The following RYR1 variants were observed in gnomAD, a reference collection of about 807,000 sequenced individuals.
RYR1 encodes the protein central core disease of muscle.
RYR1 carries 342 observed loss-of-function variants against 583.5 expected under a neutral mutation model. The ratio of observed to expected loss-of-function variants is 0.59; its 90% CI spans 0.54 to 0.64. RYR1 has a LOEUF of 0.64. Among genes scored for constraint, RYR1 ranks in the 30% least tolerant of loss-of-function variants. The pLI, the probability that RYR1 is intolerant of heterozygous loss-of-function variation, is 0.00. For missense variants in RYR1, 6,032 were observed against 6,917.2 expected (o/e 0.87, Z 4.54); for synonymous variants, 2,791 against 2,822.5 (o/e 0.99, Z 0.35).
intron 63 of RYR1, 141 bp from the exon 64 acceptor site, chr19:38,514,885 C>T (rs1970886256): frequency 4.3e-6 from 3 of 692,948 alleles, no homozygotes; most frequent in Admixed American, 2.0e-5. Context: ...TTGCTCAAGT[C>T]ACAAGACTCG....
chr19:38,466,479 T>G, intron 24 of RYR1, 81 bp downstream of exon 24: 1 of 961,596 alleles, frequency 1.0e-6, no homozygotes, highest in Non-Finnish European at 1.6e-6. Context: ...CTGACCTGAC[T>G]CAGCCCCCAA....
rs1970070561 is a variant in RYR1, at chr19:38,500,701, A to G, written c.7419A>G (p.Pro2473=). ...ACCTTGTGGGCATCATCAGCCTCCCACTGCAGATTCCCACCCTGGGCAAAG... is the reference window on the plus strand; with the variant it reads ...ACCTTGTGGGCATCATCAGCCTCCCGCTGCAGATTCCCACCCTGGGCAAAG... ...LEDLVGIISL[P]LQIPTLGKDG... Residue 2473 remains proline, a synonymous_variant, in exon 46 of 106, where the codon CCA becomes CCG. Coordinates refer to ENST00000359596, the MANE Select transcript of RYR1 (RefSeq NM_000540.3). This position sits in a 1 kb window ranked among gnomAD's most constrained non-coding sequence, Gnocchi z 5.9. 4 of 1,614,012 alleles carry G rather than the reference A, an allele frequency of 2.5e-6. No homozygotes were observed. The highest frequency in any genetic ancestry group is 1.7e-5 in the Admixed American group (1 of 60,004).
In RYR1 at chr19:38,462,987, C is replaced by A. The variant is rs947817650; in HGVS notation, c.2578-436C>A. Among the ~76,000 whole-genome samples, 4 of 149,574 alleles carry A rather than the reference C, an allele frequency of 2.7e-5. No homozygotes were observed. In the Admixed American group the frequency reaches 2.7e-4, roughly 10 times the overall value. On this transcript the variant is annotated intron_variant, in intron 20 of 105. Transcript: ENST00000359596. ...TCTTGGCTCACTGCAACCTCTGCCT[C>A]CAGAGTTCAAGCAATTCTCCTGCCT...
At chr19:38,536,929 G>A (rs1207227581) in intron 83 of RYR1, 162 bp downstream of exon 83, 1 of 712,542 alleles carries the variant, frequency 1.4e-6, no homozygotes, top group African/African-American at 1.8e-5. Flanking sequence ...TCAGGAGTCT[G>A]GGGAGCATGA....
intron 101 of RYR1, among the ~76,000 whole-genome samples, chr19:38,584,103 C>T (rs990920463): frequency 1.3e-5 from 2 of 151,984 alleles, no homozygotes; most frequent in Admixed American, 6.6e-5. Flanking sequence ...TTCCAGGAAG[C>T]CTCACCTGAT....
intron 9 of RYR1, among the ~76,000 whole-genome samples, chr19:38,447,403 T>C (rs1568439462): frequency 6.6e-6 from 1 of 151,544 alleles, no homozygotes; most frequent in Non-Finnish European, 1.5e-5. Context: ...TTGCCTGGTG[T>C]GGTGGTGGGC....
chr19:38,459,444 C>G, intron 19 of RYR1, 106 bp downstream of exon 19: 1 of 1,094,348 alleles, frequency 9.1e-7, no homozygotes, highest in Non-Finnish European at 1.4e-6. Flanking sequence ...ACACTGCAGC[C>G]TACCATCAAG....
chr19:38,562,577 C>T (rs1230950178), intron 90 of RYR1, among the ~76,000 whole-genome samples: 3 of 152,168 alleles, frequency 2.0e-5, no homozygotes, highest in Non-Finnish European at 2.9e-5. Flanking sequence ...GACACCAGCT[C>T]ATGCACGCGG....
intron 1 of RYR1, among the ~76,000 whole-genome samples, 154 bp from the exon 2 acceptor site, chr19:38,440,591 A>T: frequency 6.6e-6 from 1 of 152,200 alleles, no homozygotes; most frequent in South Asian, 2.1e-4. Flanking sequence ...TATCTCAAGG[A>T]GTTGTCAGGA....
Position 38,496,965 on chromosome 19 carries a change from C to G in RYR1, c.6891+11C>G. Reference sequence around the variant, plus strand: ...CAGGACCTGGAAAAGGTGTGGAGGGCAGGGCTGGGCCCCAGGCCTAAGGGA... The same window carrying G: ...CAGGACCTGGAAAAGGTGTGGAGGGGAGGGCTGGGCCCCAGGCCTAAGGGA... On this transcript the variant is annotated intron_variant, in intron 42 of 105. Coordinates refer to ENST00000359596, the MANE Select transcript of RYR1 (RefSeq NM_000540.3). This position sits in a 1 kb window ranked among gnomAD's most constrained non-coding sequence, Gnocchi z 4.8. 1 of 1,610,982 alleles carries G rather than the reference C, an allele frequency of 6.2e-7. No homozygotes were observed. The highest frequency in any genetic ancestry group is 8.5e-7 in the Non-Finnish European group (1 of 1,177,756).
Position 38,565,123 on chromosome 19 carries a change from G to C in RYR1, c.12789G>C (p.Glu4263Asp), listed in dbSNP as rs1568582147. The C allele has an allele frequency of 6.5e-7, 1 of 1,534,006 alleles. No homozygotes were observed. The highest frequency in any genetic ancestry group is 8.7e-7 in the Non-Finnish European group (1 of 1,144,162). Residue 4263 changes from glutamate to aspartate, a missense_variant, in exon 91 of 106, where the codon GAG (glutamate) becomes GAC (aspartate). By Grantham distance (45) the Glu-to-Asp change is conservative. Coordinates refer to ENST00000359596, the MANE Select transcript of RYR1 (RefSeq NM_000540.3). This position sits in a 1 kb window ranked among gnomAD's most constrained non-coding sequence, Gnocchi z 4.7. ...PEGEPETDED[E>D]GAGAAEAGAE... ...GCGAGCCGGAGACCGACGAGGACGA[G>C]GGCGCGGGCGCGGCGGAGGCGGGCG...
At position 38,519,468 on chromosome 19, in the gene RYR1, C is replaced by T. The variant is rs758214097; in HGVS notation, c.10259+14C>T. The T allele has an allele frequency of 2.7e-5, 42 of 1,584,242 alleles. No individual in the cohort carries two copies. In the Middle Eastern group the frequency reaches 1.3e-3, roughly 51 times the overall value. On this transcript the variant is annotated intron_variant, in intron 67 of 105. Coordinates refer to ENST00000359596, the MANE Select transcript of RYR1 (RefSeq NM_000540.3). ...GGACAACAACAGGTCAGCGGGGCCC[C>T]GCTGTCCCCATGCCCTCCGCCCCGA...
chr19:38,531,265 C>A (rs899581292), intron 76 of RYR1, among the ~76,000 whole-genome samples: 2 of 151,932 alleles, frequency 1.3e-5, no homozygotes, highest in African/African-American at 4.8e-5. Context: ...TGTGGGAGAG[C>A]GATGGCTCTG....
intron 38 of RYR1, among the ~76,000 whole-genome samples, chr19:38,493,757 T>G (rs1158367581): frequency 6.6e-6 from 1 of 151,926 alleles, no homozygotes; most frequent in African/African-American, 2.4e-5. Context: ...TGACCTCAGG[T>G]GATCCACCCG....
At chr19:38,541,484 G>A (rs1972187483) in intron 84 of RYR1, among the ~76,000 whole-genome samples, 1 of 152,372 alleles carries the variant, frequency 6.6e-6, no homozygotes, top group Admixed American at 6.5e-5. Flanking sequence ...GGGAGGCCGA[G>A]GCAGGTGGAT....
chr19:38,518,675 TC>T (rs1426452480), intron 66 of RYR1, among the ~76,000 whole-genome samples: 3 of 152,108 alleles, frequency 2.0e-5, no homozygotes, highest in Non-Finnish European at 2.9e-5. Flanking sequence ...ACGCCTGTAA[TC>T]CCAGCACTAT....
rs1259340549 is a variant in RYR1, at chr19:38,543,560, A to T, written c.11807A>T (p.Tyr3936Phe). Residue 3936 changes from tyrosine (Y) to phenylalanine (F), a missense_variant, in exon 86 of 106, where the codon TAC (tyrosine) becomes TTC (phenylalanine). Transcript: ENST00000359596. The surrounding 1 kb of genome is among the most constrained non-coding windows in gnomAD (Gnocchi z 4.4). ...TCCATCAGCGACTTCTACTGGTACT[A>T]CTCGGGCAAGGATGTCATTGAAGAG... ...QESISDFYWY[Y>F]SGKDVIEEQG... The T allele has an allele frequency of 6.2e-7, 1 of 1,614,038 alleles. No homozygotes were observed. The highest frequency in any genetic ancestry group is 8.5e-7 in the Non-Finnish European group (1 of 1,180,006).
In RYR1 at chr19:38,483,120, G is replaced by C. The variant is rs753312645; in HGVS notation, c.4707+7G>C. The C allele has an allele frequency of 6.2e-7, 1 of 1,613,760 alleles. No individual in the cohort carries two copies. The highest frequency in any genetic ancestry group is 1.6e-4 in the Middle Eastern group (1 of 6,062). On this transcript the variant is annotated splice_region_variant and intron_variant, in intron 32 of 105. Coordinates refer to ENST00000359596, the MANE Select transcript of RYR1 (RefSeq NM_000540.3). This position sits in a 1 kb window ranked among gnomAD's most constrained non-coding sequence, Gnocchi z 6.3. ...TGAGCTGGGGAAGCAGAAGGTACAA[G>C]TGCAGTGATGGGGGCACTAATGGGG...
At position 38,570,530 on chromosome 19, in the gene RYR1, A is replaced by C. The variant is rs942919561; in HGVS notation, c.13660-77A>C. The C allele has an allele frequency of 2.9e-5, 29 of 998,324 alleles. No individual in the cohort carries two copies. In the African/African-American group the frequency reaches 4.3e-4, roughly 15 times the overall value. 61.8% of individuals were successfully genotyped at this position (998,324 alleles called of 1,614,324 possible). On this transcript the variant is annotated intron_variant, in intron 93 of 105. Transcript: ENST00000359596. ...TTGAGAGCCCAGGTACTTTGATTGC[A>C]GGTAAATGATGGGATGAATTCTCCA...
Sources: allele counts gnomAD v4.1 joint callset (sites outside exome capture counted in the v4.1 genomes callset), GRCh38; gene constraint gnomAD v4.1.1; non-coding constraint Gnocchi (gnomAD v3.1); transcripts MANE v1.5; gene names NCBI Gene and HGNC (gene_info 2026-07-23, HGNC 2026-07-21).